The following SSH2 variants were observed in gnomAD, a reference collection of about 807,000 sequenced individuals.
The protein encoded by SSH2 is slingshot protein phosphatase 2, also known as protein phosphatase Slingshot homolog 2.
In SSH2, 37 loss-of-function variants were observed where a neutral mutation model predicts 135.2. The observed-to-expected ratio is 0.27, with a 90% CI of 0.21 to 0.36. The LOEUF (loss-of-function observed/expected upper bound fraction) is 0.36, where lower values mean the gene tolerates loss of function less well. Among genes scored for constraint, SSH2 ranks in the 10% least tolerant of loss-of-function variants. The probability of loss-of-function intolerance (pLI) is 1.00; values close to 1 mark genes in which losing one functional copy is unlikely to be tolerated. For missense variants in SSH2, 1,408 were observed against 1,765.3 expected (o/e 0.80, Z 3.63); for synonymous variants, 628 against 646.2 (o/e 0.97, Z 0.43).
At chr17:29,869,643 C>T (rs944918054) in intron 1 of SSH2, among the ~76,000 whole-genome samples, 17 of 152,176 alleles carry the variant, frequency 1.1e-4, no homozygotes, top group African/African-American at 3.9e-4. Context: ...AATTACCCTG[C>T]CCAGGGCAAG....
chr17:29,663,955 T>C lies in SSH2; in HGVS notation c.1032+2912A>G, dbSNP rs539891492. Reference sequence around the variant, plus strand: ...ACTATGCATGTGTTGGGATAAGTTGTATATGGGAAATCTCTATACCTTTTG... The same window carrying C: ...ACTATGCATGTGTTGGGATAAGTTGCATATGGGAAATCTCTATACCTTTTG... On this transcript the variant is annotated intron_variant, in intron 11 of 15. Coordinates refer to ENST00000540801, the MANE Select transcript of SSH2 (RefSeq NM_001282129.2). 9.8e-5 allele frequency among the ~76,000 whole-genome samples: 15 copies of C among 152,360 alleles called. No homozygotes were observed. In the East Asian group the frequency reaches 2.9e-3, roughly 29 times the overall value.
At chr17:29,713,127 A>G (rs1242144585) in intron 3 of SSH2, among the ~76,000 whole-genome samples, 3 of 152,126 alleles carry the variant, frequency 2.0e-5, no homozygotes, top group Non-Finnish European at 4.4e-5. Flanking sequence ...CGACATCAGG[A>G]GTTCGAGACT....
rs537760077 is a variant in SSH2 at position 29,897,589 on chromosome 17, A to G, written c.63+32349T>C. On this transcript the variant is annotated intron_variant, in intron 1 of 15. Coordinates refer to ENST00000540801, the MANE Select transcript of SSH2 (RefSeq NM_001282129.2). ...ACAAGAAGAGCTAACTATCCTAAAT[A>G]TATATGCACCCAATACAGGAGCACC... Among the ~76,000 whole-genome samples, 29 of 152,320 alleles carry G rather than the reference A, an allele frequency of 1.9e-4. No homozygotes were observed. The South Asian group carries it at 5.6e-3, about 29-fold the overall frequency.
intron 14 of SSH2, among the ~76,000 whole-genome samples, chr17:29,637,219 C>T (rs931102085): frequency 6.6e-6 from 1 of 152,200 alleles, no homozygotes; most frequent in African/African-American, 2.4e-5. Flanking sequence ...CCACCTCAGC[C>T]TCCCGAGTAG....
Position 29,813,024 on chromosome 17 carries a change from T to C in SSH2, c.145-19087A>G, listed in dbSNP as rs549023581. ...GTCCAACGAAAAGATTTTCACCGTA[T>C]ATAAAAGAATGAATTAATAGTCTCA... On this transcript the variant is annotated intron_variant, in intron 2 of 15. Coordinates refer to ENST00000540801, the MANE Select transcript of SSH2 (RefSeq NM_001282129.2). Among the ~76,000 whole-genome samples the C allele has an allele frequency of 3.4e-4, 52 of 152,180 alleles. No individual in the cohort carries two copies. The South Asian group carries it at 9.7e-3, about 29-fold the overall frequency.
chr17:29,761,146 T>G (rs1175572831), intron 3 of SSH2: 9 of 1,288,804 alleles, frequency 7.0e-6, no homozygotes, highest in Non-Finnish European at 9.1e-6. Context: ...CGCGGCGGAC[T>G]CACAGCTGGT....
At chr17:29,823,450 G>A (rs1390691666) in intron 2 of SSH2, among the ~76,000 whole-genome samples, 2 of 152,066 alleles carry the variant, frequency 1.3e-5, no homozygotes, top group African/African-American at 4.8e-5. Flanking sequence ...CATTCCTCCA[G>A]CTCTAACACC....
At chr17:29,696,209 AT>A (rs1327351761) in intron 4 of SSH2, among the ~76,000 whole-genome samples, 4 of 51,832 alleles carry the variant, frequency 7.7e-5, no homozygotes, top group Non-Finnish European at 1.6e-4. Flanking sequence ...ACACACACAC[AT>A]ATGTATATAC....
rs142059619 is a variant in SSH2 at position 29,849,079 on chromosome 17, C to A, written c.64-150G>T. ...TAGTGATGGCTATTTTGAGAGAACACTGCCAACAAGGTGACTGGTTAGTTG... is the reference window on the plus strand; with the variant it reads ...TAGTGATGGCTATTTTGAGAGAACAATGCCAACAAGGTGACTGGTTAGTTG... On this transcript the variant is annotated intron_variant, in intron 1 of 15. Coordinates refer to ENST00000540801, the MANE Select transcript of SSH2 (RefSeq NM_001282129.2). 347 of 554,862 alleles carry A rather than the reference C, an allele frequency of 6.3e-4. 2 individuals carry two copies. In the East Asian group the frequency reaches 9.7e-3, roughly 16 times the overall value. 34.4% of individuals were successfully genotyped at this position (554,862 alleles called of 1,614,324 possible).
At chr17:29,729,442 G>T (rs2040107290) in intron 3 of SSH2, among the ~76,000 whole-genome samples, 1 of 152,206 alleles carries the variant, frequency 6.6e-6, no homozygotes, top group Non-Finnish European at 1.5e-5. Context: ...CTGTTGGTAG[G>T]TGTGTAAACT....
intron 3 of SSH2, among the ~76,000 whole-genome samples, chr17:29,715,308 T>C (rs953615416): frequency 3.3e-5 from 5 of 151,558 alleles, no homozygotes; most frequent in African/African-American, 1.2e-4. Context: ...TGCAGTGGCG[T>C]GATCTTGGCT....
intron 4 of SSH2, among the ~76,000 whole-genome samples, chr17:29,696,467 G>C (rs2038751735): frequency 7.0e-6 from 1 of 143,840 alleles, no homozygotes; most frequent in Non-Finnish European, 1.5e-5. Context: ...TATAATATCA[G>C]TCACTACACT....
intron 2 of SSH2, among the ~76,000 whole-genome samples, chr17:29,807,268 A>T (rs1311167096): frequency 6.6e-6 from 1 of 152,262 alleles, no homozygotes; most frequent in East Asian, 1.9e-4. Flanking sequence ...CAAGTAAAAA[A>T]GAAATTAGAA....
chr17:29,913,347 A>AAAAAAAAAAAAAATTATAT, intron 1 of SSH2, among the ~76,000 whole-genome samples: 1 of 28,778 alleles, frequency 3.5e-5, no homozygotes, highest in Non-Finnish European at 5.9e-5. Context: ...AAAAAAAAAA[A>AAAAAAAAAAAAAATTATAT]ATATATATAT....
chr17:29,717,603 C>T (rs896842152), intron 3 of SSH2, among the ~76,000 whole-genome samples: 2 of 152,200 alleles, frequency 1.3e-5, no homozygotes, highest in African/African-American at 4.8e-5. Flanking sequence ...GAAAGAGTAA[C>T]AGGGAGTGCT....
intron 3 of SSH2, among the ~76,000 whole-genome samples, chr17:29,716,012 G>GA (rs1362881364): frequency 2.0e-5 from 3 of 152,122 alleles, no homozygotes; most frequent in Admixed American, 2.0e-4. Flanking sequence ...ATACTACCAA[G>GA]AAAATGGAGG....
At chr17:29,825,384 A>C (rs1407091213) in intron 2 of SSH2, among the ~76,000 whole-genome samples, 1 of 152,210 alleles carries the variant, frequency 6.6e-6, no homozygotes, top group Admixed American at 6.5e-5. Context: ...TATTTAGCAA[A>C]ATATTCCATA....
chr17:29,881,857 G>A (rs534237686), intron 1 of SSH2, among the ~76,000 whole-genome samples: 51 of 152,142 alleles, frequency 3.4e-4, no homozygotes, highest in Non-Finnish European at 5.7e-4. Flanking sequence ...AAAAGTACAC[G>A]TGGGAGATGA....
At chr17:29,777,584 T>C (rs1249500675) in intron 3 of SSH2, 4 of 152,122 alleles carry the variant, frequency 2.6e-5, no homozygotes, top group African/African-American at 9.7e-5. Flanking sequence ...ATCCTTGTCT[T>C]TAGAAAATTG....
Sources: allele counts gnomAD v4.1 joint callset (sites outside exome capture counted in the v4.1 genomes callset), GRCh38; gene constraint gnomAD v4.1.1; transcripts MANE v1.5; gene names NCBI Gene and HGNC (gene_info 2026-07-23, HGNC 2026-07-21).